WDFY1: variants seen among roughly 807,000 people sequenced by gnomAD.
WDFY1 encodes WD repeat and FYVE domain-containing protein 1.
Under a neutral mutation model 56.4 loss-of-function variants are expected in WDFY1, and 32 were observed. The ratio of observed to expected loss-of-function variants is 0.57; its 90% CI spans 0.43 to 0.76. The LOEUF (loss-of-function observed/expected upper bound fraction) is 0.76. WDFY1 is among the 30% of genes least tolerant of loss of function. The pLI, the probability that WDFY1 is intolerant of heterozygous loss-of-function variation, is 0.00. For synonymous variants in WDFY1, 192 were observed against 197.3 expected (o/e 0.97, Z 0.23); for missense variants, 480 against 545.7 (o/e 0.88, Z 1.20).
At chr2:223,888,715 T>G in intron 8 of WDFY1, among the ~76,000 whole-genome samples, 1 of 150,308 alleles carries the variant, frequency 6.7e-6, no homozygotes, top group Non-Finnish European at 1.5e-5. Context: ...GTCTCCTGAG[T>G]AGCTGGGATT....
intron 1 of WDFY1, among the ~76,000 whole-genome samples, chr2:223,929,730 C>T (rs540643693): frequency 2.5e-4 from 38 of 152,190 alleles, no homozygotes; most frequent in Non-Finnish European, 4.9e-4. Context: ...GGATGACAGG[C>T]GCTTCTGCCT....
rs1198471284 is a variant in WDFY1, at chr2:223,877,910, C to T, written c.*761G>A. ...AAAAAGTCAGGCGGCTTGTGTGACT[C>T]CCATGTTAACAGCACCATAAAAAAG... On this transcript the variant is annotated 3_prime_UTR_variant, in exon 12 of 12. Transcript: ENST00000233055. The T allele has an allele frequency of 2.6e-5, 4 of 152,500 alleles. No individual in the cohort carries two copies. Among genetic ancestry groups the T allele is most frequent in the Non-Finnish European group, 5.9e-5 (4 of 68,024 alleles). 9.4% of individuals were successfully genotyped at this position (152,500 alleles called of 1,614,324 possible). A position where few individuals can be genotyped will look rare whatever the true frequency, so the allele number is the denominator to read the frequency against.
chr2:223,885,746 G>C (rs902746343), intron 8 of WDFY1, among the ~76,000 whole-genome samples: 3 of 152,174 alleles, frequency 2.0e-5, no homozygotes, highest in East Asian at 1.9e-4. Flanking sequence ...TAACAGAAGA[G>C]ATCTGACAAA....
intron 6 of WDFY1, among the ~76,000 whole-genome samples, chr2:223,897,390 A>ATATATATTTTTTTT (rs1461451983): frequency 1.6e-5 from 2 of 125,992 alleles, no homozygotes; most frequent in East Asian, 2.3e-4. Flanking sequence ...ATATATATAT[A>ATATATATTTTTTTT]TTTTTTAAGA....
intron 8 of WDFY1, among the ~76,000 whole-genome samples, chr2:223,892,363 G>T (rs367954443): frequency 1.3e-5 from 2 of 152,270 alleles, no homozygotes. Flanking sequence ...TTCAAAAAGA[G>T]AAATTAACCA....
chr2:223,893,059 G>A (rs1408463660), intron 8 of WDFY1, among the ~76,000 whole-genome samples: 1 of 152,160 alleles, frequency 6.6e-6, no homozygotes, highest in African/African-American at 2.4e-5. Context: ...AGATGAGAAT[G>A]GAAACCTTGA....
At chr2:223,901,009 A>G (rs1693498799) in intron 5 of WDFY1, 174 bp downstream of exon 5, 1 of 749,220 alleles carries the variant, frequency 1.3e-6, no homozygotes, top group Admixed American at 3.4e-5. Context: ...TGCAAAAGTA[A>G]TTGCAATTTT....
chr2:223,880,765 A>ATT (rs386392765), intron 10 of WDFY1, among the ~76,000 whole-genome samples: 129,650 of 149,602 alleles, frequency 0.87, 56,713 homozygotes, highest in South Asian at 0.95. Flanking sequence ...AAAATAACTG[A>ATT]TTTTTTTTTT....
At chr2:223,883,652 A>T (rs1693113846) in intron 9 of WDFY1, among the ~76,000 whole-genome samples, 1 of 151,970 alleles carries the variant, frequency 6.6e-6, no homozygotes. Context: ...TTTATTAATT[A>T]ATTTATTTTT....
At chr2:223,899,862 A>G (rs548827357) in intron 5 of WDFY1, among the ~76,000 whole-genome samples, 111 of 152,372 alleles carry the variant, frequency 7.3e-4, no homozygotes, top group African/African-American at 2.5e-3. Flanking sequence ...AATAATGTAA[A>G]TCTGACAGTA....
At chr2:223,923,696 G>C (rs572744180) in intron 1 of WDFY1, among the ~76,000 whole-genome samples, 1 of 152,100 alleles carries the variant, frequency 6.6e-6, no homozygotes, top group Non-Finnish European at 1.5e-5. Context: ...GGGAGGCGGA[G>C]CTTGCAGTGA....
At chr2:223,908,915 C>T (rs59109981) in intron 3 of WDFY1, among the ~76,000 whole-genome samples, 1,786 of 152,302 alleles carry the variant, frequency 0.012, 28 homozygotes, top group African/African-American at 0.041. Context: ...CCCTGCTTCC[C>T]GGACAGTTCT....
chr2:223,905,883 T>C, intron 4 of WDFY1, 64 bp downstream of exon 4: 1 of 1,145,302 alleles, frequency 8.7e-7, no homozygotes, highest in Non-Finnish European at 1.2e-6. Flanking sequence ...TCATAAGAGA[T>C]GATGTTCTAG....
chr2:223,935,881 G>C (rs902498613), intron 1 of WDFY1, among the ~76,000 whole-genome samples: 3 of 152,100 alleles, frequency 2.0e-5, no homozygotes, highest in Non-Finnish European at 4.4e-5. Flanking sequence ...GAATACAGGA[G>C]AGAGGGCAAG....
chr2:223,889,872 T>C (rs1193417569), intron 8 of WDFY1, among the ~76,000 whole-genome samples: 1 of 152,216 alleles, frequency 6.6e-6, no homozygotes, highest in Non-Finnish European at 1.5e-5. Context: ...AAGTGTTTCA[T>C]GTTTTTTTAT....
chr2:223,916,917 C>T (rs1286681196), intron 2 of WDFY1, among the ~76,000 whole-genome samples: 2 of 151,226 alleles, frequency 1.3e-5, no homozygotes, highest in South Asian at 2.1e-4. Flanking sequence ...CGGATTGAAG[C>T]GATTCTCCTG....
chr2:223,909,610 G>T (rs1017772476), intron 3 of WDFY1, among the ~76,000 whole-genome samples: 4 of 151,818 alleles, frequency 2.6e-5, no homozygotes, highest in Non-Finnish European at 4.4e-5. Flanking sequence ...CCCTCCAACT[G>T]CCTCCCCCAC....
In WDFY1 at chr2:223,912,250, T is replaced by C. The variant is rs1458087796; in HGVS notation, c.279+3A>G. The C allele has an allele frequency of 1.9e-6, 3 of 1,606,920 alleles. No individual in the cohort carries two copies. Among genetic ancestry groups the C allele is most frequent in the Non-Finnish European group, 1.7e-6 (2 of 1,178,054 alleles). ...CAATAAATACATTCTAAAAGCTACC[T>C]ACCATTACAGCTCCATTATCCTGGC... On this transcript the variant is annotated splice_donor_region_variant and intron_variant, in intron 3 of 11. Coordinates refer to ENST00000233055, the MANE Select transcript of WDFY1 (RefSeq NM_020830.5).
chr2:223,930,315 G>A (rs1574780012), intron 1 of WDFY1, among the ~76,000 whole-genome samples: 1 of 152,204 alleles, frequency 6.6e-6, no homozygotes, highest in South Asian at 2.1e-4. Context: ...ATCAAGAGAT[G>A]GAATATATTT....
Sources: allele counts gnomAD v4.1 joint callset (sites outside exome capture counted in the v4.1 genomes callset), GRCh38; gene constraint gnomAD v4.1.1; transcripts MANE v1.5; gene names NCBI Gene and HGNC (gene_info 2026-07-23, HGNC 2026-07-21).